The following SHISA9 variants were observed in gnomAD, a reference collection of about 807,000 sequenced individuals.
The protein encoded by SHISA9 is shisa family member 9.
SHISA9 carries 13 observed loss-of-function variants against 38.0 expected under a neutral mutation model. That is an observed-to-expected ratio of 0.34 (90% CI 0.22 to 0.54). The LOEUF (loss-of-function observed/expected upper bound fraction) is 0.54, where lower values mean the gene tolerates loss of function less well. SHISA9 is among the 20% of genes least tolerant of loss of function. The probability of loss-of-function intolerance (pLI) is 0.91; values close to 1 mark genes in which losing one functional copy is unlikely to be tolerated. For missense variants in SHISA9, 538 were observed against 575.8 expected (o/e 0.93, Z 0.67); for synonymous variants, 275 against 242.0 (o/e 1.14, Z -1.27).
intron 2 of SHISA9, among the ~76,000 whole-genome samples, chr16:12,984,040 AT>A (rs913209116): frequency 1.3e-5 from 2 of 152,070 alleles, no homozygotes; most frequent in African/African-American, 2.4e-5. Flanking sequence ...GCTTCTTAAC[AT>A]TGGTTTTGGA....
the SHISA9 span, among the ~76,000 whole-genome samples, chr16:13,359,399 C>T: frequency 0.012 from 1,889 of 152,310 alleles, 48 homozygotes; most frequent in African/African-American, 0.043. Context: ...AGGAGAATTG[C>T]TTCAGCCTGG....
the SHISA9 span, among the ~76,000 whole-genome samples, chr16:13,536,589 C>T: frequency 1.3e-5 from 2 of 152,144 alleles, no homozygotes; most frequent in Non-Finnish European, 2.9e-5. Context: ...CACTTCTCGG[C>T]ATTGCGGAAT....
chr16:13,242,997 T>C (rs1024029091), downstream of SHISA9, among the ~76,000 whole-genome samples: 5 of 152,056 alleles, frequency 3.3e-5, no homozygotes, highest in Non-Finnish European at 1.5e-5. Context: ...TCCCAGCACT[T>C]TGGGAGGCCG....
chr16:13,393,951 C>A, the SHISA9 span, among the ~76,000 whole-genome samples: 2 of 152,172 alleles, frequency 1.3e-5, no homozygotes, highest in Non-Finnish European at 2.9e-5. Context: ...TAGAAATATG[C>A]ACTCACACTC....
chr16:13,069,661 GTA>G (rs1194248845), intron 2 of SHISA9, among the ~76,000 whole-genome samples: 1 of 152,206 alleles, frequency 6.6e-6, no homozygotes, highest in Non-Finnish European at 1.5e-5. Flanking sequence ...TGTGGTGTAT[GTA>G]TGTGTGTGTG....
the SHISA9 span, among the ~76,000 whole-genome samples, chr16:13,407,135 C>T: frequency 6.7e-6 from 1 of 148,804 alleles, no homozygotes; most frequent in African/African-American, 2.5e-5. Context: ...TTCAAACTAC[C>T]ACAACAAGCT....
intron 2 of SHISA9, among the ~76,000 whole-genome samples, chr16:13,129,396 C>T (rs1050603660): frequency 2.0e-5 from 3 of 152,192 alleles, no homozygotes; most frequent in African/African-American, 7.2e-5. Context: ...CCTCTAGGTC[C>T]TCTGCATCTG....
intron 2 of SHISA9, among the ~76,000 whole-genome samples, chr16:13,142,564 C>A (rs1269712117): frequency 6.6e-6 from 1 of 152,168 alleles, no homozygotes; most frequent in Non-Finnish European, 1.5e-5. Flanking sequence ...CTGTAGTTTC[C>A]TTGCCTCTCC....
chr16:13,554,616 C>T, the SHISA9 span, among the ~76,000 whole-genome samples: 4 of 151,580 alleles, frequency 2.6e-5, no homozygotes, highest in African/African-American at 4.9e-5. Flanking sequence ...CTCAGCCTCC[C>T]GAGTAGCTGG....
the SHISA9 span, among the ~76,000 whole-genome samples, chr16:13,399,585 G>A: frequency 6.6e-6 from 1 of 152,122 alleles, no homozygotes; most frequent in Non-Finnish European, 1.5e-5. Flanking sequence ...CATTGCTCCT[G>A]GCACTATTGC....
chr16:12,983,350 C>T lies in SHISA9; in HGVS notation c.691+66535C>T, dbSNP rs577318184. 5.3e-5 allele frequency among the ~76,000 whole-genome samples: 8 copies of T among 152,266 alleles called. No individual in the cohort carries two copies. In the South Asian group the frequency reaches 6.2e-4, roughly 12 times the overall value. On this transcript the variant is annotated intron_variant, in intron 2 of 4. Transcript: ENST00000558583. Reference sequence around the variant, plus strand: ...AACCTTGGTTTCTCCCTCTGGAAAACGGGAATGTTTGTCCCTCAGAGATAT... The same window carrying T: ...AACCTTGGTTTCTCCCTCTGGAAAATGGGAATGTTTGTCCCTCAGAGATAT...
chr16:13,250,895 C>T, the SHISA9 span, among the ~76,000 whole-genome samples: 3 of 152,188 alleles, frequency 2.0e-5, no homozygotes, highest in East Asian at 5.8e-4. Flanking sequence ...GCTCTGTGGG[C>T]TCAGGAATTT....
At position 13,238,837 on chromosome 16, in the gene SHISA9, T is replaced by TTAC. The variant is rs947727237; in HGVS notation, c.*3430_*3431insCTA. The TTAC allele has an allele frequency of 2.7e-5, 4 of 146,492 alleles. No individual in the cohort carries two copies. Among genetic ancestry groups the TTAC allele is most frequent in the African/African-American group, 4.9e-5 (2 of 40,466 alleles). 9.1% of individuals were successfully genotyped at this position (146,492 alleles called of 1,614,324 possible). Reference sequence around the variant, plus strand: ...GTATTTATTATTATTATTATTATTATTATTATTATTATTATACTTTAAGTT... The same window carrying TTAC: ...GTATTTATTATTATTATTATTATTATTACTATTATTATTATTATACTTTAAGTT... On this transcript the variant is annotated 3_prime_UTR_variant, in exon 5 of 5. Transcript: ENST00000558583.
At chr16:13,019,772 CTT>C (rs1255146095) in intron 2 of SHISA9, among the ~76,000 whole-genome samples, 20 of 59,284 alleles carry the variant, frequency 3.4e-4, no homozygotes, top group African/African-American at 1.0e-3. Context: ...TCTTTTCTTT[CTT>C]TCTTTCTTTC....
intron 2 of SHISA9, among the ~76,000 whole-genome samples, chr16:13,100,221 C>G (rs1022077677): frequency 1.3e-5 from 2 of 152,198 alleles, no homozygotes; most frequent in African/African-American, 4.8e-5. Context: ...TTTTTAAACA[C>G]CACTCAGAAC....
At chr16:13,388,342 C>T in the SHISA9 span, among the ~76,000 whole-genome samples, 1 of 148,342 alleles carries the variant, frequency 6.7e-6, no homozygotes, top group Non-Finnish European at 1.5e-5. Context: ...GACAGAGTCT[C>T]ACTCTGTTGC....
At chr16:13,087,486 T>C (rs1192813978) in intron 2 of SHISA9, among the ~76,000 whole-genome samples, 5 of 152,184 alleles carry the variant, frequency 3.3e-5, no homozygotes, top group Admixed American at 6.5e-5. Flanking sequence ...CTCCAGCATC[T>C]GTTGTTTCCT....
chr16:12,927,740 C>G (rs905977497), intron 2 of SHISA9, among the ~76,000 whole-genome samples: 2 of 152,038 alleles, frequency 1.3e-5, no homozygotes, highest in Non-Finnish European at 1.5e-5. Context: ...AAATCTTTGG[C>G]CACAAAAGGA....
In SHISA9 at chr16:13,135,358, G is replaced by A. The variant is rs556173956; in HGVS notation, c.692-68036G>A. Among the ~76,000 whole-genome samples, 7 of 152,336 alleles carry A rather than the reference G, an allele frequency of 4.6e-5. No individual in the cohort carries two copies. The East Asian group carries it at 1.3e-3, about 29-fold the overall frequency. ...AGAACTTTCTGCACAGCTTCAAGGA[G>A]TGTGATCAGCAGATAGCCTGCAACT... On this transcript the variant is annotated intron_variant, in intron 2 of 4. Coordinates refer to ENST00000558583, the MANE Select transcript of SHISA9 (RefSeq NM_001145204.3).
Sources: allele counts gnomAD v4.1 joint callset (sites outside exome capture counted in the v4.1 genomes callset), GRCh38; gene constraint gnomAD v4.1.1; transcripts MANE v1.5; gene names NCBI Gene and HGNC (gene_info 2026-07-23, HGNC 2026-07-21).